SMG1: variants seen among roughly 807,000 people sequenced by gnomAD.
SMG1 encodes serine/threonine-protein kinase SMG1.
A neutral mutation model predicts 419.9 loss-of-function variants in SMG1; 22 were observed. The ratio of observed to expected loss-of-function variants is 0.05; its 90% CI spans 0.04 to 0.07. SMG1 has a LOEUF of 0.07. Ranked by LOEUF, SMG1 falls within the 10% of genes least tolerant of loss-of-function variation. The probability of loss-of-function intolerance (pLI) is 1.00; values close to 1 mark genes in which losing one functional copy is unlikely to be tolerated. For missense variants in SMG1, 3,185 were observed against 4,342.0 expected (o/e 0.73, Z 7.49); for synonymous variants, 1,538 against 1,553.5 (o/e 0.99, Z 0.23).
intron 1 of SMG1, among the ~76,000 whole-genome samples, chr16:18,909,567 C>T (rs1451327890): frequency 6.6e-6 from 1 of 151,988 alleles, no homozygotes; most frequent in East Asian, 1.9e-4. Flanking sequence ...CACAGCAAGA[C>T]CTCCAACTCT....
At chr16:18,844,454 ACCC>A (rs71141073) in intron 39 of SMG1, among the ~76,000 whole-genome samples, 1,704 of 4,448 alleles carry the variant, frequency 0.38, 330 homozygotes, top group South Asian at 0.58. Context: ...AACAAACAAC[ACCC>A]CCCCCCCCCG....
Position 18,871,421 on chromosome 16 carries a change from C to T in SMG1, c.2245G>A (p.Ala749Thr), listed in dbSNP as rs769154556. The change falls in exon 16 of 63, where the codon GCA (alanine) becomes ACA (threonine). Residue 749 changes from alanine to threonine, a missense_variant. Coordinates refer to ENST00000446231, the MANE Select transcript of SMG1 (RefSeq NM_015092.5). ...AVLMKKSETY[A>T]PLFSLPSFHK... ...AAAGACGGAAGAGAGAATAAAGGTG[C>T]GTATGTTTCAGACTTCTTCATTAAA... The T allele has an allele frequency of 8.7e-6, 14 of 1,602,812 alleles. No homozygotes were observed. The highest frequency in any genetic ancestry group is 2.2e-5 in the East Asian group (1 of 44,490).
At position 18,896,894 on chromosome 16, in the gene SMG1, C is replaced by A. The variant is rs1419551816; in HGVS notation, c.155G>T (p.Gly52Val). The A allele has an allele frequency of 1.2e-6, 2 of 1,606,244 alleles. No homozygotes were observed. Among genetic ancestry groups the A allele is most frequent in the East Asian group, 2.2e-5 (1 of 44,844 alleles). The part of the protein sequence containing the change: ...LKYSSSRDRG[G>V]SSSYGLQPSN... ...AGGTTGCAGTCCATAAGAGGAAGAACCACCTCTATCTCTGGATGAAGAATA... is the reference window on the plus strand; with the variant it reads ...AGGTTGCAGTCCATAAGAGGAAGAAACACCTCTATCTCTGGATGAAGAATA... The change falls in exon 2 of 63, where the codon GGT (glycine) becomes GTT (valine). Residue 52 changes from glycine (G) to valine (V), a missense_variant. Physicochemically the swap from Gly to Val is moderately radical, Grantham distance 109 (BLOSUM62 -3). Around this residue, in one of 27 missense-constraint regions of SMG1, gnomAD observed 88 missense variants for 85.9 expected, o/e 1.02. Coordinates refer to ENST00000446231, the MANE Select transcript of SMG1 (RefSeq NM_015092.5).
chr16:18,836,598 C>T, intron 46 of SMG1, 66 bp from the exon 47 acceptor site: 1 of 1,526,068 alleles, frequency 6.6e-7, no homozygotes, highest in Non-Finnish European at 9.0e-7. Flanking sequence ...ACTTTCCTAC[C>T]CTGGAATGTG....
At position 18,877,263 on chromosome 16, in the gene SMG1, T is replaced by C. The variant is rs769191043; in HGVS notation, c.1519-31A>G. ...AGAATAAAATTTTTAAAAAATGAGCTTCTCCAATTACAAAAAGACATGGAG... is the reference window on the plus strand; with the variant it reads ...AGAATAAAATTTTTAAAAAATGAGCCTCTCCAATTACAAAAAGACATGGAG... On this transcript the variant is annotated intron_variant, in intron 11 of 62. Transcript: ENST00000446231. 1.1e-5 allele frequency: 16 copies of C among 1,460,132 alleles called. No individual in the cohort carries two copies. In the African/African-American group the frequency reaches 2.3e-4, roughly 21 times the overall value. The allele number at this position is 1,460,132 out of a possible 1,614,324, so 90.4% of individuals were successfully genotyped here.
chr16:18,874,231 T>G (rs1250781599), intron 13 of SMG1, among the ~76,000 whole-genome samples: 1 of 151,996 alleles, frequency 6.6e-6, no homozygotes, highest in Non-Finnish European at 1.5e-5. Context: ...CTCCACTTCC[T>G]GGGTTCAAGC....
intron 60 of SMG1, among the ~76,000 whole-genome samples, chr16:18,814,171 A>AAG (rs2031765380): frequency 6.6e-6 from 1 of 151,374 alleles, no homozygotes; most frequent in African/African-American, 2.4e-5. Flanking sequence ...ATTAACTGGA[A>AAG]AGGCAACAAA....
At position 18,889,340 on chromosome 16, in the gene SMG1, T is replaced by G. The variant is rs532201599; in HGVS notation, c.822+32A>C. 5.5e-4 allele frequency: 274 copies of G among 500,354 alleles called. 2 individuals are homozygous for G. The highest frequency in any genetic ancestry group is 5.3e-3 in the South Asian group (262 of 49,738). 31.0% of individuals were successfully genotyped at this position (500,354 alleles called of 1,614,324 possible). A position where few individuals can be genotyped will look rare whatever the true frequency, so the allele number is the denominator to read the frequency against. ...GTTAAGGGACAATTTTCTTCCCAAG[T>G]ACATCATGCATTTTTCCCCCTTCAT... is the stretch of plus-strand genomic sequence containing the variant. On this transcript the variant is annotated intron_variant, in intron 6 of 62. Coordinates refer to ENST00000446231, the MANE Select transcript of SMG1 (RefSeq NM_015092.5).
At chr16:18,833,244 C>T in intron 50 of SMG1, 78 bp from the exon 51 acceptor site, 1 of 1,071,496 alleles carries the variant, frequency 9.3e-7, no homozygotes, top group African/African-American at 1.6e-5. Context: ...TAGAGCCATA[C>T]ATTAAGAGCA....
intron 36 of SMG1, among the ~76,000 whole-genome samples, chr16:18,848,544 G>A (rs1250863383): frequency 6.6e-6 from 1 of 151,918 alleles, no homozygotes; most frequent in Admixed American, 6.6e-5. Flanking sequence ...GGCCTCAAAT[G>A]ATCCACCCTC....
intron 3 of SMG1, 56 bp downstream of exon 3, chr16:18,895,996 G>A: frequency 6.8e-7 from 1 of 1,470,982 alleles, no homozygotes; most frequent in Non-Finnish European, 9.5e-7. Context: ...CAGAATAAGA[G>A]GAGATACAAG....
rs370171176 is a variant in SMG1 at position 18,869,314 on chromosome 16, C to T, written c.2634-11G>A. 87 of 1,600,970 alleles carry T rather than the reference C, an allele frequency of 5.4e-5. No homozygotes were observed. Among genetic ancestry groups the T allele is most frequent in the East Asian group, 3.1e-4 (14 of 44,714 alleles). On this transcript the variant is annotated splice_polypyrimidine_tract_variant and intron_variant, in intron 19 of 62. Coordinates refer to ENST00000446231, the MANE Select transcript of SMG1 (RefSeq NM_015092.5). ...AACCAATTGTCCTTCCTGGGAAAAG[C>T]AGTTTCATATTTAAAAGACAATGAC...
At position 18,819,643 on chromosome 16, in the gene SMG1, A is replaced by G. The variant is rs1250039557; in HGVS notation, c.9753T>C (p.Ala3251=). The change falls in exon 56 of 63, where the codon GCT becomes GCC. Residue 3251 remains alanine (A), a synonymous_variant. Transcript: ENST00000446231. Reference sequence around the variant, plus strand: ...GCTGTTCAATACTTGATTCAAGTGCAGCTAGCTTCTCCTATAAAAGCCAGC... The same window carrying G: ...GCTGTTCAATACTTGATTCAAGTGCGGCTAGCTTCTCCTATAAAAGCCAGC... ...TSIATVQEKL[A]ALESSIEQRL... The G allele has an allele frequency of 1.9e-6, 3 of 1,570,380 alleles. No individual in the cohort carries two copies. Among genetic ancestry groups the G allele is most frequent in the Non-Finnish European group, 1.7e-6 (2 of 1,158,308 alleles).
intron 54 of SMG1, among the ~76,000 whole-genome samples, chr16:18,828,991 T>A (rs988296443): frequency 1.5e-5 from 2 of 133,112 alleles, no homozygotes; most frequent in South Asian, 2.4e-4. Context: ...AGAGCAAAAC[T>A]CCATCTCAAA....
At chr16:18,898,495 A>T (rs11866747) in intron 1 of SMG1, among the ~76,000 whole-genome samples, 13,519 of 152,218 alleles carry the variant, frequency 0.089, 747 homozygotes, top group African/African-American at 0.16. Flanking sequence ...AACTTTTTTA[A>T]ACTAATGAAA....
At chr16:18,916,369 G>T (rs2037978792) in intron 1 of SMG1, among the ~76,000 whole-genome samples, 1 of 151,388 alleles carries the variant, frequency 6.6e-6, no homozygotes, top group African/African-American at 2.4e-5. Context: ...CAAAAAATTA[G>T]CTGGGCGAGG....
intron 39 of SMG1, among the ~76,000 whole-genome samples, chr16:18,844,502 C>G (rs1175161259): frequency 9.0e-6 from 1 of 111,140 alleles, no homozygotes; most frequent in African/African-American, 4.1e-5. Flanking sequence ...CACACACACA[C>G]ACACACACAC....
chr16:18,839,651 G>A (rs1342528972), intron 42 of SMG1, 47 bp downstream of exon 42: 8 of 1,601,576 alleles, frequency 5.0e-6, no homozygotes, highest in Admixed American at 1.7e-5. Context: ...AAGGTAGCAG[G>A]CAAAAGAAAT....
Position 18,896,173 on chromosome 16 carries a change from A to G in SMG1, c.291T>C (p.Asn97=). 1 of 1,554,390 alleles carries G rather than the reference A, an allele frequency of 6.4e-7. No homozygotes were observed. Among genetic ancestry groups the G allele is most frequent in the Admixed American group, 1.7e-5 (1 of 59,798 alleles). The change falls in exon 3 of 63, where the codon AAT becomes AAC. Residue 97 remains asparagine, a synonymous_variant. Transcript: ENST00000446231. ...GCCCCAACGACTTCCGACCATAAGT[A>G]TTTTCCCCAGATCCTCCATTGACAC... is the stretch of plus-strand genomic sequence containing the variant. ...GYSVNGGSGE[N]TYGRKSLGQE...
Sources: gnomAD v4.1 joint callset for allele counts (sites outside exome capture counted in the v4.1 genomes callset) on GRCh38, gnomAD v4.1.1 for gene constraint, gnomAD v4.1.1 regional missense constraint, MANE v1.5 for transcripts, NCBI Gene and HGNC (gene_info 2026-07-23, HGNC 2026-07-21) for gene names.